Variants in ADCY3 observed in about 807,000 individuals in gnomAD.
The protein encoded by ADCY3 is adenylate cyclase 3.
Under a neutral mutation model 119.4 loss-of-function variants are expected in ADCY3, and 70 were observed. The ratio of observed to expected loss-of-function variants is 0.59; its 90% CI spans 0.48 to 0.72. ADCY3 has a LOEUF of 0.72. Among genes scored for constraint, ADCY3 ranks in the 30% least tolerant of loss-of-function variants. The pLI is 0.00. For synonymous variants in ADCY3, 672 were observed against 621.4 expected (o/e 1.08, Z -1.21); for missense variants, 1,238 against 1,541.6 (o/e 0.80, Z 3.30).
chr2:24,834,742 T>C lies in ADCY3; in HGVS notation c.1805+52A>G. The C allele has an allele frequency of 2.5e-6, 4 of 1,601,628 alleles. No individual in the cohort carries two copies. Among genetic ancestry groups the C allele is most frequent in the Non-Finnish European group, 3.4e-6 (4 of 1,170,232 alleles). ...GGGATGCTCAGTTTCCTGAATCCCTTGTCAGGGCCCGGGAGGAGTGGTGGG... is the reference window on the plus strand; with the variant it reads ...GGGATGCTCAGTTTCCTGAATCCCTCGTCAGGGCCCGGGAGGAGTGGTGGG... On this transcript the variant is annotated intron_variant, in intron 10 of 21. Coordinates refer to ENST00000679454, the MANE Select transcript of ADCY3 (RefSeq NM_004036.5). The surrounding 1 kb of genome is among the most constrained non-coding windows in gnomAD (Gnocchi z 4.2).
Position 24,918,847 on chromosome 2 carries a change from C to G in ADCY3, c.141G>C (p.Leu47=), listed in dbSNP as rs146260732. The change falls in exon 2 of 22, where the codon CTG becomes CTC. Residue 47 remains leucine, a synonymous_variant. Coordinates refer to ENST00000679454, the MANE Select transcript of ADCY3 (RefSeq NM_004036.5). This position sits in a 1 kb window ranked among gnomAD's most constrained non-coding sequence, Gnocchi z 5.4. ...TCAGCCGCATGAAGCGAGGCAGGCA[C>G]AGGCAGGAGCCCGAGTTCCGGACCG... ...EISVRNSGSC[L]CLPRFMRLTF... 327 of 1,613,364 alleles carry G rather than the reference C, an allele frequency of 2.0e-4. No individual in the cohort carries two copies. Among genetic ancestry groups the G allele is most frequent in the Non-Finnish European group, 2.6e-4 (309 of 1,180,044 alleles).
intron 2 of ADCY3, among the ~76,000 whole-genome samples, chr2:24,913,654 C>T (rs1465690881): frequency 1.3e-5 from 2 of 152,206 alleles, no homozygotes; most frequent in African/African-American, 4.8e-5. Flanking sequence ...TACCTGCCGT[C>T]TGCAGACAGG....
Position 24,822,506 on chromosome 2 carries a change from G to C in ADCY3, c.3003+5C>G. The stretch of plus-strand genomic sequence containing the variant: ...CTCATCTCTCTGGCTACTGGGGTTA[G>C]CTACCTTGTTGGAGCTGGCAAAGCC... On this transcript the variant is annotated splice_donor_5th_base_variant and intron_variant, in intron 19 of 21. Coordinates refer to ENST00000679454, the MANE Select transcript of ADCY3 (RefSeq NM_004036.5). 1 of 1,613,316 alleles carries C rather than the reference G, an allele frequency of 6.2e-7. No individual in the cohort carries two copies. The highest frequency in any genetic ancestry group is 2.2e-5 in the East Asian group (1 of 44,858).
Position 24,878,386 on chromosome 2 carries a change from C to G in ADCY3, c.676-5667G>C, listed in dbSNP as rs1415243809. ...GTGGGACTGTCGAGTGGAAGTCACCCCACTGGAGGCGGTTTGGTGGCTCTC... is the reference window on the plus strand; with the variant it reads ...GTGGGACTGTCGAGTGGAAGTCACCGCACTGGAGGCGGTTTGGTGGCTCTC... On this transcript the variant is annotated intron_variant, in intron 2 of 21. Transcript: ENST00000679454. This position sits in a 1 kb window ranked among gnomAD's most constrained non-coding sequence, Gnocchi z 4.0. Among the ~76,000 whole-genome samples the G allele has an allele frequency of 6.6e-6, 1 of 152,108 alleles. No homozygotes were observed. Among genetic ancestry groups the G allele is most frequent in the African/African-American group, 2.4e-5 (1 of 41,400 alleles).
Position 24,919,071 on chromosome 2 carries a change from T to C in ADCY3, c.-84A>G. The C allele has an allele frequency of 3.6e-6, 5 of 1,375,196 alleles. No individual in the cohort carries two copies. Among genetic ancestry groups the C allele is most frequent in the Non-Finnish European group, 4.8e-6 (5 of 1,036,732 alleles). 85.2% of individuals were successfully genotyped at this position (1,375,196 alleles called of 1,614,324 possible). On this transcript the variant is annotated 5_prime_UTR_variant, in exon 2 of 22. Coordinates refer to ENST00000679454, the MANE Select transcript of ADCY3 (RefSeq NM_004036.5). The surrounding 1 kb of genome is among the most constrained non-coding windows in gnomAD (Gnocchi z 5.5). ...TGGACTGGGCCTCCTCTCAGGGCTC[T>C]CTGAGACCGGGGGAGGGCTGAGGGC...
chr2:24,826,250 A>G (rs1004531472), intron 15 of ADCY3, 124 bp from the exon 16 acceptor site: 16 of 797,920 alleles, frequency 2.0e-5, no homozygotes, highest in Non-Finnish European at 3.0e-5. Context: ...CCGGCTCCTT[A>G]GGCCCTTTCA....
At chr2:24,916,008 T>C (rs1664402553) in intron 2 of ADCY3, among the ~76,000 whole-genome samples, 1 of 152,168 alleles carries the variant, frequency 6.6e-6, no homozygotes, top group African/African-American at 2.4e-5. Flanking sequence ...GCCTCCTGCC[T>C]TCGATCTCAG....
At chr2:24,830,457 G>A (rs1669332673) in intron 13 of ADCY3, among the ~76,000 whole-genome samples, 1 of 152,098 alleles carries the variant, frequency 6.6e-6, no homozygotes, top group Non-Finnish European at 1.5e-5. Context: ...CACAGGCCTG[G>A]GCACATGGAA....
rs1346111892 is a variant in ADCY3, at chr2:24,843,086, C to T, written c.826-702G>A. ...TGAGGGCACTCCTGTTGGAGGCAGCCGTGTACACAAACGCACAGACACACG... is the reference window on the plus strand; with the variant it reads ...TGAGGGCACTCCTGTTGGAGGCAGCTGTGTACACAAACGCACAGACACACG... On this transcript the variant is annotated intron_variant, in intron 3 of 21. Coordinates refer to ENST00000679454, the MANE Select transcript of ADCY3 (RefSeq NM_004036.5). Among the ~76,000 whole-genome samples the T allele has an allele frequency of 5.3e-5, 8 of 152,320 alleles. No homozygotes were observed. The East Asian group carries it at 9.6e-4, about 18-fold the overall frequency.
At chr2:24,861,496 A>T (rs763488586) in intron 3 of ADCY3, among the ~76,000 whole-genome samples, 3 of 152,080 alleles carry the variant, frequency 2.0e-5, no homozygotes, top group Admixed American at 6.5e-5. Flanking sequence ...CCACTTCCAA[A>T]CCAGGTTCTG....
intron 7 of ADCY3, 50 bp downstream of exon 7, chr2:24,839,823 G>A (rs1484722568): frequency 4.3e-6 from 7 of 1,612,384 alleles, no homozygotes; most frequent in South Asian, 2.2e-5. Context: ...GGATGGAGGG[G>A]ACGGTCCCCT....
At position 24,824,416 on chromosome 2, in the gene ADCY3, C is replaced by T. The variant is rs1442780223; in HGVS notation, c.2698G>A (p.Val900Met). Residue 900 changes from valine to methionine, a missense_variant, in exon 17 of 22, where the codon GTG (valine) becomes ATG (methionine). This residue lies in a region of ADCY3 where 499 missense variants were observed against 571.0 expected (regional missense o/e 0.87). Coordinates refer to ENST00000679454, the MANE Select transcript of ADCY3 (RefSeq NM_004036.5). ...ALVTNMLPEH[V>M]ARHFLGSKKR... ...TTGGACCCCAGGAAATGGCGTGCCA[C>T]GTGCTCAGGCAACATGTTGGTGACC... is the stretch of plus-strand genomic sequence containing the variant. 5.6e-6 allele frequency: 9 copies of T among 1,614,218 alleles called. No homozygotes were observed. The highest frequency in any genetic ancestry group is 1.7e-5 in the Admixed American group (1 of 60,016).
intron 3 of ADCY3, among the ~76,000 whole-genome samples, chr2:24,846,839 A>G (rs1455890637): frequency 1.3e-5 from 2 of 152,152 alleles, no homozygotes; most frequent in Non-Finnish European, 1.5e-5. Flanking sequence ...TCAGCCTCCC[A>G]AAGTCCTGGC....
At chr2:24,821,818 G>C in intron 19 of ADCY3, 178 bp from the exon 20 acceptor site, 1 of 885,786 alleles carries the variant, frequency 1.1e-6, no homozygotes, top group Non-Finnish European at 1.7e-6. Context: ...CTGTGACAAA[G>C]TTCACGTAGC....
In ADCY3 at chr2:24,828,102, C is replaced by G; in HGVS notation, c.2232G>C (p.Glu744Asp). The G allele has an allele frequency of 1.2e-6, 2 of 1,614,146 alleles. No individual in the cohort carries two copies. Among genetic ancestry groups the G allele is most frequent in the Non-Finnish European group, 1.7e-6 (2 of 1,180,024 alleles). The stretch of plus-strand genomic sequence containing the variant: ...ACTTGGGGTTCTCCAGGCAGCTGCC[C>G]TCCGTTTCCATCCCTGCCGTTGCAT... ...PSNATAGMET[E>D]GSCLENPKYY... The change falls in exon 14 of 22, where the codon GAG becomes GAC. Residue 744 changes from glutamate to aspartate, a missense_variant. Transcript: ENST00000679454.
chr2:24,861,325 T>C (rs1175251244), intron 3 of ADCY3, among the ~76,000 whole-genome samples: 1 of 152,016 alleles, frequency 6.6e-6, no homozygotes, highest in Non-Finnish European at 1.5e-5. Context: ...CACTCAATTC[T>C]GGAAGGAGGC....
At chr2:24,847,842 G>A (rs531844976) in intron 3 of ADCY3, among the ~76,000 whole-genome samples, 1 of 152,362 alleles carries the variant, frequency 6.6e-6, no homozygotes, top group African/African-American at 2.4e-5. Context: ...TGAGGGGCAG[G>A]CAGAGCTGAG....
chr2:24,910,936 C>T (rs1045807903), intron 2 of ADCY3, among the ~76,000 whole-genome samples: 3 of 152,112 alleles, frequency 2.0e-5, no homozygotes, highest in Non-Finnish European at 2.9e-5. Flanking sequence ...TGAGCCACCG[C>T]GCCTGGCCTT....
rs768150820 is a variant in ADCY3, at chr2:24,896,001, G to A, written c.675+22312C>T. ...ATATTTTGATTTTTCATCCCTAGAG[G>A]TGCTACTGGATCTTCTTATACTTTC... On this transcript the variant is annotated intron_variant, in intron 2 of 21. Transcript: ENST00000679454. Among the ~76,000 whole-genome samples, 87 of 152,150 alleles carry A rather than the reference G, an allele frequency of 5.7e-4. No homozygotes were observed. In the Middle Eastern group the frequency reaches 0.01, roughly 18 times the overall value.
Sources: allele counts gnomAD v4.1 joint callset (sites outside exome capture counted in the v4.1 genomes callset), GRCh38; gene constraint gnomAD v4.1.1; regional missense constraint gnomAD v4.1.1; non-coding constraint Gnocchi (gnomAD v3.1); transcripts MANE v1.5; gene names NCBI Gene and HGNC (gene_info 2026-07-23, HGNC 2026-07-21).